IL4R: variants seen among roughly 807,000 people sequenced by gnomAD.
The protein encoded by IL4R is interleukin 4 receptor.
Under a neutral mutation model 41.5 loss-of-function variants are expected in IL4R, and 17 were observed. The observed-to-expected ratio is 0.41, with a 90% CI of 0.28 to 0.61. The LOEUF (loss-of-function observed/expected upper bound fraction) is 0.61. IL4R is among the 20% of genes least tolerant of loss of function. The pLI is 0.31. For synonymous variants in IL4R, 402 were observed against 422.9 expected (o/e 0.95, Z 0.61); for missense variants, 974 against 1,043.1 (o/e 0.93, Z 0.91).
At chr16:27,357,916 TG>T (rs1274320808) in intron 8 of IL4R, among the ~76,000 whole-genome samples, 1 of 148,578 alleles carries the variant, frequency 6.7e-6, no homozygotes, top group Non-Finnish European at 1.5e-5. Flanking sequence ...TTCTTTGAGA[TG>T]GAGTCTCATG....
At chr16:27,317,502 GCTTGT>G (rs2084682048) in intron 1 of IL4R, among the ~76,000 whole-genome samples, 1 of 152,204 alleles carries the variant, frequency 6.6e-6, no homozygotes. Context: ...GAGGCCAGGA[GCTTGT>G]CTGGAGGTTG....
rs147980393 is a variant in IL4R, at chr16:27,317,551, C to T, written c.-152+3531C>T. 8.7e-3 allele frequency among the ~76,000 whole-genome samples: 1,331 copies of T among 152,202 alleles called. 20 individuals carry two copies. Among genetic ancestry groups the T allele is most frequent in the African/African-American group, 0.03 (1,253 of 41,518 alleles). On this transcript the variant is annotated intron_variant, in intron 1 of 10. Coordinates refer to ENST00000395762, the MANE Select transcript of IL4R (RefSeq NM_000418.4). The stretch of plus-strand genomic sequence containing the variant: ...TGCCCTTGGTGAATGTGGATCGGAG[C>T]GCCCCGGCAGAGGCTTGAGGTGCTA...
At chr16:27,346,808 C>T (rs868468365) in intron 6 of IL4R, among the ~76,000 whole-genome samples, 190 bp downstream of exon 6, 1 of 152,208 alleles carries the variant, frequency 6.6e-6, no homozygotes, top group Non-Finnish European at 1.5e-5. Flanking sequence ...CCTGGCCCCC[C>T]ACCCCTCACA....
Position 27,332,426 on chromosome 16 carries a change from C to T in IL4R, c.-19+2228C>T, listed in dbSNP as rs537357298. On this transcript the variant is annotated intron_variant, in intron 2 of 10. Transcript: ENST00000395762. ...GAAAACAGCATGGGGGAACTGCTCC[C>T]GTAATCTAATCACCTCCCATGAGGT... 5.9e-5 allele frequency among the ~76,000 whole-genome samples: 9 copies of T among 152,172 alleles called. No individual in the cohort carries two copies. In the East Asian group the frequency reaches 7.7e-4, roughly 13 times the overall value.
chr16:27,333,754 G>A (rs2085176150), intron 2 of IL4R, among the ~76,000 whole-genome samples: 1 of 152,104 alleles, frequency 6.6e-6, no homozygotes, highest in South Asian at 2.1e-4. Context: ...CTCCATCTGT[G>A]GTGGCATATG....
chr16:27,321,115 T>C (rs936005460), intron 1 of IL4R, among the ~76,000 whole-genome samples: 3 of 152,046 alleles, frequency 2.0e-5, no homozygotes, highest in Non-Finnish European at 4.4e-5. Context: ...GGCTAATTTT[T>C]GTATTTTTAT....
At chr16:27,331,388 TC>T (rs2085108668) in intron 2 of IL4R, among the ~76,000 whole-genome samples, 1 of 152,168 alleles carries the variant, frequency 6.6e-6, no homozygotes, top group Non-Finnish European at 1.5e-5. Flanking sequence ...ACTCAGCCTT[TC>T]TGTGCCTTGG....
intron 3 of IL4R, chr16:27,341,392 C>T (rs3024536): frequency 0.12 from 71,838 of 582,936 alleles, 4,944 homozygotes; most frequent in Middle Eastern, 0.17. Context: ...CTATCTAAGA[C>T]AGCTCCTTAA....
intron 1 of IL4R, among the ~76,000 whole-genome samples, chr16:27,320,852 T>C (rs575299497): frequency 6.6e-6 from 1 of 152,252 alleles, no homozygotes; most frequent in Admixed American, 6.5e-5. Flanking sequence ...GTCTTGCCTC[T>C]AGCATATTTC....
intron 1 of IL4R, among the ~76,000 whole-genome samples, chr16:27,327,826 T>C (rs1015597839): frequency 3.9e-5 from 6 of 152,086 alleles, no homozygotes; most frequent in African/African-American, 1.2e-4. Context: ...GATTAATATA[T>C]TGTAAGTACT....
At chr16:27,328,771 T>C (rs972520004) in intron 1 of IL4R, among the ~76,000 whole-genome samples, 5 of 152,168 alleles carry the variant, frequency 3.3e-5, no homozygotes, top group Admixed American at 3.3e-4. Context: ...CTTGAAAAAC[T>C]AGCAGTATAT....
rs200446351 is a variant in IL4R, at chr16:27,363,562, C to T, written c.2210C>T (p.Pro737Leu). 3 of 1,614,184 alleles carry T rather than the reference C, an allele frequency of 1.9e-6. No individual in the cohort carries two copies. Among genetic ancestry groups the T allele is most frequent in the Non-Finnish European group, 2.5e-6 (3 of 1,180,024 alleles). The change falls in exon 11 of 11, where the codon CCT becomes CTT. Residue 737 changes from proline to leucine, a missense_variant. Physicochemically the swap from Pro to Leu is moderately conservative, Grantham distance 98 (BLOSUM62 -3). Transcript: ENST00000395762. Reference sequence around the variant, plus strand: ...GGCCAGGAGGATGGTGGCCAGACCCCTGTCATGGCCAGTCCTTGCTGTGGC... The same window carrying T: ...GGCCAGGAGGATGGTGGCCAGACCCTTGTCATGGCCAGTCCTTGCTGTGGC... ...CHGQEDGGQT[P>L]VMASPCCGCC...
chr16:27,362,173 T>C (rs2086318112), intron 10 of IL4R, 79 bp from the exon 11 acceptor site: 1 of 1,418,546 alleles, frequency 7.0e-7, no homozygotes, highest in South Asian at 1.3e-5. Context: ...GACATGGTGA[T>C]TTCAGGCTGG....
intron 1 of IL4R, among the ~76,000 whole-genome samples, chr16:27,321,377 G>C (rs761248860): frequency 5.3e-5 from 8 of 152,178 alleles, no homozygotes; most frequent in Non-Finnish European, 8.8e-5. Flanking sequence ...TATTCTCCCT[G>C]ACTCAGGAAA....
intron 9 of IL4R, among the ~76,000 whole-genome samples, chr16:27,359,389 G>A (rs368609888): frequency 3.4e-4 from 52 of 152,268 alleles, no homozygotes; most frequent in African/African-American, 1.1e-3. Context: ...AACTGCCCCC[G>A]AAGCACTAGC....
At chr16:27,346,346 T>C (rs2085642829) in intron 5 of IL4R, 121 bp from the exon 6 acceptor site, 1 of 773,598 alleles carries the variant, frequency 1.3e-6, no homozygotes, top group Non-Finnish European at 2.2e-6. Flanking sequence ...TCCAGAAGTA[T>C]GCTATGGAGG....
Position 27,339,380 on chromosome 16 carries a change from G to A in IL4R, c.-18-806G>A, listed in dbSNP as rs1020509272. On this transcript the variant is annotated intron_variant, in intron 2 of 10. Coordinates refer to ENST00000395762, the MANE Select transcript of IL4R (RefSeq NM_000418.4). ...TATAGCAGCCTATATGGACTAAGCT[G>A]ACTTGTAACGTTACTTGAGACTTTA... Among the ~76,000 whole-genome samples, 10 of 152,192 alleles carry A rather than the reference G, an allele frequency of 6.6e-5. 1 individual carries two copies. Among genetic ancestry groups the A allele is most frequent in the Admixed American group, 5.2e-4 (8 of 15,256 alleles).
chr16:27,337,959 CTTT>C (rs34463317), intron 2 of IL4R, among the ~76,000 whole-genome samples: 12 of 137,644 alleles, frequency 8.7e-5, no homozygotes, highest in Admixed American at 1.5e-4. Flanking sequence ...TTTTCTTTTC[CTTT>C]TTTTTTTTTT....
At position 27,342,789 on chromosome 16, in the gene IL4R, C is replaced by T. The variant is rs1046547627; in HGVS notation, c.209+530C>T. 1.1e-4 allele frequency among the ~76,000 whole-genome samples: 16 copies of T among 152,258 alleles called. 1 individual carries two copies. The highest frequency in any genetic ancestry group is 7.7e-4 in the East Asian group (4 of 5,180). ...GATTACAAGCGTGAGCCGCTGTATC[C>T]GGCCCAAAATGGAGAAATTTTAAGT... On this transcript the variant is annotated intron_variant, in intron 4 of 10. Transcript: ENST00000395762.
Sources: gnomAD v4.1 joint callset for allele counts (sites outside exome capture counted in the v4.1 genomes callset) on GRCh38, gnomAD v4.1.1 for gene constraint, MANE v1.5 for transcripts, NCBI Gene and HGNC (gene_info 2026-07-23, HGNC 2026-07-21) for gene names.